PTK2: variants seen among roughly 807,000 people sequenced by gnomAD.
The protein encoded by PTK2 is protein tyrosine kinase 2.
In PTK2, 45 loss-of-function variants were observed where a neutral mutation model predicts 150.1. That is an observed-to-expected ratio of 0.30 (90% confidence interval 0.24 to 0.38). PTK2 has a LOEUF of 0.38. PTK2 is among the 10% of genes least tolerant of loss of function. The pLI, the probability that PTK2 is intolerant of heterozygous loss-of-function variation, is 1.00. For missense variants in PTK2, 919 were observed against 1,307.3 expected, an observed-to-expected ratio of 0.70 and a Z score of 4.58; for synonymous variants, 432 against 449.2, an observed-to-expected ratio of 0.96 and a Z score of 0.48.
At chr8:140,668,556 G>A (rs752303903) in intron 29 of PTK2, 132 bp from the exon 34 acceptor site, 57 of 1,023,910 alleles carry the variant, frequency 5.6e-5, no homozygotes, top group Non-Finnish European at 7.5e-5. Flanking sequence ...TTGTGTGTGC[G>A]GGATATAGTT....
intron 23 of PTK2, among the ~76,000 whole-genome samples, chr8:140,712,570 A>G (rs938798753): frequency 1.3e-5 from 2 of 152,164 alleles, no homozygotes; most frequent in Non-Finnish European, 1.5e-5. Context: ...AAAAAAGGAG[A>G]AAAAAATCCA....
At chr8:140,764,324 TTAAA>T in intron 14 of PTK2, 34 bp from the exon 17 acceptor site, 1 of 1,512,804 alleles carries the variant, frequency 6.6e-7, no homozygotes, top group Non-Finnish European at 9.2e-7. Flanking sequence ...TTGAAAGAGG[TTAAA>T]CATCTGACCT....
intron 1 of PTK2, among the ~76,000 whole-genome samples, chr8:140,980,853 C>T (rs780823028): frequency 5.3e-4 from 79 of 148,026 alleles, no homozygotes; most frequent in Non-Finnish European, 7.1e-4. Flanking sequence ...CAGGTTCAAA[C>T]GATTCTCCTG....
chr8:140,769,733 C>T, intron 14 of PTK2, 141 bp from the exon 16 acceptor site: 1 of 388,782 alleles, frequency 2.6e-6, no homozygotes, highest in East Asian at 7.4e-5. Context: ...AAAACAATTA[C>T]CCCCCAGGGT....
intron 31 of PTK2, 70 bp from the exon 36 acceptor site, chr8:140,659,748 TCTTA>T (rs2076770294): frequency 1.5e-6 from 2 of 1,378,774 alleles, no homozygotes; most frequent in Non-Finnish European, 1.0e-6. Context: ...AGAGAGATGT[TCTTA>T]CTGTGTTGTC....
intron 4 of PTK2, among the ~76,000 whole-genome samples, chr8:140,874,165 A>C (rs1599862475): frequency 6.6e-6 from 1 of 152,180 alleles, no homozygotes; most frequent in African/African-American, 2.4e-5. Flanking sequence ...TGTCATGACA[A>C]AGAGCTCTCT....
intron 26 of PTK2, among the ~76,000 whole-genome samples, chr8:140,693,893 A>C (rs2100024759): frequency 6.6e-6 from 1 of 152,244 alleles, no homozygotes; most frequent in South Asian, 2.1e-4. Flanking sequence ...TTAATTTTTC[A>C]AACAAGAACA....
intron 5 of PTK2, among the ~76,000 whole-genome samples, chr8:140,858,280 A>C (rs989605692): frequency 1.3e-5 from 2 of 152,076 alleles, no homozygotes; most frequent in Non-Finnish European, 2.9e-5. Flanking sequence ...TCTAACATAG[A>C]TCTAACCCAA....
At position 140,764,214 on chromosome 8, in the gene PTK2, A is replaced by T. The variant is rs1213600891; in HGVS notation, c.1234+20T>A. On this transcript the variant is annotated intron_variant, in intron 15 of 31. Transcript: ENST00000522684. ...GCATCTGTCAAGTCTGAGCAAGAACAAAATCAGAAGTTTACTTACTTGAGG... is the reference window on the plus strand; with the variant it reads ...GCATCTGTCAAGTCTGAGCAAGAACTAAATCAGAAGTTTACTTACTTGAGG... 2.5e-6 allele frequency: 4 copies of T among 1,595,298 alleles called. No homozygotes were observed. The highest frequency in any genetic ancestry group is 2.6e-6 in the Non-Finnish European group (3 of 1,164,348).
chr8:140,977,088 A>G (rs2154609808), intron 1 of PTK2, among the ~76,000 whole-genome samples: 1 of 152,380 alleles, frequency 6.6e-6, no homozygotes, highest in South Asian at 2.1e-4. Context: ...TTTATTAAAT[A>G]GAACAATAAA....
chr8:140,898,038 G>A (rs1036047726), intron 2 of PTK2, among the ~76,000 whole-genome samples: 1 of 152,096 alleles, frequency 6.6e-6, no homozygotes, highest in African/African-American at 2.4e-5. Context: ...GTTTTTACGT[G>A]GCTTAGGCCA....
At chr8:140,664,126 G>A (rs1281104492) in intron 31 of PTK2, among the ~76,000 whole-genome samples, 1 of 152,210 alleles carries the variant, frequency 6.6e-6, no homozygotes, top group East Asian at 1.9e-4. Flanking sequence ...TGGGACTATA[G>A]GCGCGTGCCA....
At chr8:140,942,646 GC>G (rs1307306581) in intron 1 of PTK2, among the ~76,000 whole-genome samples, 1 of 57,812 alleles carries the variant, frequency 1.7e-5, no homozygotes, top group Non-Finnish European at 6.9e-5. Flanking sequence ...GTGTGTGTGT[GC>G]GCGCATATAT....
At chr8:140,847,622 G>A (rs776299830) in intron 5 of PTK2, among the ~76,000 whole-genome samples, 17 of 152,038 alleles carry the variant, frequency 1.1e-4, no homozygotes, top group Non-Finnish European at 2.4e-4. Context: ...AGAAAACCAT[G>A]CTCAATTATT....
intron 24 of PTK2, among the ~76,000 whole-genome samples, chr8:140,703,002 A>T (rs2100031615): frequency 6.6e-6 from 1 of 152,164 alleles, no homozygotes; most frequent in Admixed American, 6.5e-5. Context: ...GAAGCATAAG[A>T]GGAGGGAGGG....
intron 14 of PTK2, among the ~76,000 whole-genome samples, chr8:140,782,040 C>G (rs373786212): frequency 6.6e-5 from 10 of 152,064 alleles, no homozygotes; most frequent in Admixed American, 5.9e-4. Context: ...GACAACTGTA[C>G]GCTTCTCAGT....
At chr8:140,781,230 G>A (rs1384597493) in intron 14 of PTK2, among the ~76,000 whole-genome samples, 1 of 152,090 alleles carries the variant, frequency 6.6e-6, no homozygotes, top group East Asian at 1.9e-4. Context: ...GCCTTTTGAT[G>A]TTAGCAATAT....
At position 140,702,719 on chromosome 8, in the gene PTK2, T is replaced by C; in HGVS notation, c.2230-12A>G. Reference sequence around the variant, plus strand: ...GGGTAGCCAGAAACCTGTGAATGAGTAAGGAGGCAAGGTAATGTTCAACTA... The same window carrying C: ...GGGTAGCCAGAAACCTGTGAATGAGCAAGGAGGCAAGGTAATGTTCAACTA... On this transcript the variant is annotated splice_polypyrimidine_tract_variant and intron_variant, in intron 24 of 31. Transcript: ENST00000522684. The C allele has an allele frequency of 6.2e-7, 1 of 1,612,468 alleles. No homozygotes were observed. The highest frequency in any genetic ancestry group is 8.5e-7 in the Non-Finnish European group (1 of 1,178,838).
chr8:140,739,799 C>A (rs1037676950), intron 20 of PTK2, among the ~76,000 whole-genome samples: 2 of 152,214 alleles, frequency 1.3e-5, no homozygotes, highest in Non-Finnish European at 2.9e-5. Flanking sequence ...CCAGCCCTGA[C>A]CCTGTCTTCC....
Sources: allele counts gnomAD v4.1 joint callset (sites outside exome capture counted in the v4.1 genomes callset), GRCh38; gene constraint gnomAD v4.1.1; transcripts MANE v1.5; gene names NCBI Gene and HGNC (gene_info 2026-07-23, HGNC 2026-07-21).